PLA2G4A: variants seen among roughly 807,000 people sequenced by gnomAD.
PLA2G4A encodes phospholipase A2 group IVA, also known as cytosolic phospholipase A2.
Under a neutral mutation model 81.9 loss-of-function variants are expected in PLA2G4A, and 40 were observed. That is an observed-to-expected ratio of 0.49 (90% CI 0.38 to 0.64). PLA2G4A has a LOEUF of 0.64. Ranked by LOEUF, PLA2G4A falls within the 30% of genes least tolerant of loss-of-function variation. The pLI, the probability that PLA2G4A is intolerant of heterozygous loss-of-function variation, is 0.00. For missense variants in PLA2G4A, 715 were observed against 905.1 expected, an observed-to-expected ratio of 0.79 and a Z score of 2.69; for synonymous variants, 302 against 296.9, an observed-to-expected ratio of 1.02 and a Z score of -0.18.
chr1:186,965,681 T>A, intron 15 of PLA2G4A, 88 bp downstream of exon 15: 1 of 919,176 alleles, frequency 1.1e-6, no homozygotes, highest in Non-Finnish European at 1.8e-6. Context: ...TCCAGTTTCT[T>A]ATTCCTTTAA....
chr1:186,951,188 A>AT (rs1209920046), intron 13 of PLA2G4A, among the ~76,000 whole-genome samples: 2 of 152,080 alleles, frequency 1.3e-5, no homozygotes, highest in African/African-American at 4.8e-5. Context: ...TTGAGAAAGG[A>AT]TTAGTGATGA....
Position 186,939,176 on chromosome 1 carries a change from T to C in PLA2G4A, c.864T>C (p.Pro288=). Residue 288 remains proline (P), a synonymous_variant, in exon 9 of 18, where the codon CCT becomes CCC. Coordinates refer to ENST00000367466, the MANE Select transcript of PLA2G4A (RefSeq NM_024420.3). The part of the protein sequence containing the change: ...SLWKKKSSGQ[P]VTFTDIFGML... The stretch of plus-strand genomic sequence containing the variant: ...GGAAGAAGAAAAGCTCTGGACAACC[T>C]GTCACCTTTACTGATATCTTTGGGA... 1.2e-6 allele frequency: 2 copies of C among 1,609,020 alleles called. No homozygotes were observed. The highest frequency in any genetic ancestry group is 1.7e-6 in the Non-Finnish European group (2 of 1,175,554).
At chr1:186,936,453 T>C (rs1177083951) in intron 8 of PLA2G4A, among the ~76,000 whole-genome samples, 2 of 151,924 alleles carry the variant, frequency 1.3e-5, no homozygotes, top group African/African-American at 4.8e-5. Context: ...AATGAAGAGA[T>C]GTGTTAAGTG....
intron 14 of PLA2G4A, among the ~76,000 whole-genome samples, chr1:186,959,944 T>C (rs776000169): frequency 2.0e-5 from 3 of 152,056 alleles, no homozygotes; most frequent in Non-Finnish European, 4.4e-5. Flanking sequence ...GTTGGAAAAA[T>C]GTTACATTTG....
intron 7 of PLA2G4A, among the ~76,000 whole-genome samples, chr1:186,920,298 A>G (rs1655300763): frequency 6.6e-6 from 1 of 152,206 alleles, no homozygotes; most frequent in African/African-American, 2.4e-5. Context: ...AGGGACAGTC[A>G]GAAATACACA....
intron 7 of PLA2G4A, 84 bp from the exon 8 acceptor site, chr1:186,932,679 G>A (rs920006401): frequency 3.5e-5 from 46 of 1,303,804 alleles, no homozygotes; most frequent in East Asian, 1.6e-4. Context: ...AATATGGGAT[G>A]TATAACATAA....
intron 2 of PLA2G4A, 137 bp from the exon 3 acceptor site, chr1:186,870,298 A>C: frequency 8.7e-6 from 6 of 691,854 alleles, no homozygotes; most frequent in Non-Finnish European, 1.3e-5. Context: ...GTCAAAAAAG[A>C]AGCAGCCTTA....
Position 186,939,097 on chromosome 1 carries a change from A to T in PLA2G4A, c.785A>T (p.Asn262Ile), listed in dbSNP as rs1342292095. The change falls in exon 9 of 18, where the codon AAT becomes ATT. Residue 262 changes from asparagine to isoleucine, a missense_variant. Physicochemically the swap from Asn to Ile is moderately radical, Grantham distance 149. Coordinates refer to ENST00000367466, the MANE Select transcript of PLA2G4A (RefSeq NM_024420.3). ...GAACTAATGAAAAATGTTAGCCACA[A>T]TCCCCTTTTACTTCTCACACCACAG... The part of the protein sequence containing the change: ...NEELMKNVSH[N>I]PLLLLTPQKV... 1 of 1,609,790 alleles carries T rather than the reference A, an allele frequency of 6.2e-7. No individual in the cohort carries two copies. The highest frequency in any genetic ancestry group is 2.2e-5 in the East Asian group (1 of 44,788).
At position 186,887,401 on chromosome 1, in the gene PLA2G4A, A is replaced by G. The variant is rs114075224; in HGVS notation, c.116-5610A>G. Among the ~76,000 whole-genome samples the G allele has an allele frequency of 1.6e-3, 238 of 152,280 alleles. 1 individual carries two copies. The highest frequency in any genetic ancestry group is 1.8e-3 in the Non-Finnish European group (123 of 68,024). On this transcript the variant is annotated intron_variant, in intron 3 of 17. Coordinates refer to ENST00000367466, the MANE Select transcript of PLA2G4A (RefSeq NM_024420.3). ...AAATGGGTCTGTTATGACTTCAGGC[A>G]GGCGCTCCTTAAACTCCTGAAGTTT... is the stretch of plus-strand genomic sequence containing the variant.
At chr1:186,955,012 G>C (rs1656697750) in intron 13 of PLA2G4A, among the ~76,000 whole-genome samples, 1 of 152,130 alleles carries the variant, frequency 6.6e-6, no homozygotes, top group South Asian at 2.1e-4. Flanking sequence ...AGGAAATGGA[G>C]GAAGAGAAGG....
intron 5 of PLA2G4A, among the ~76,000 whole-genome samples, chr1:186,904,214 T>A (rs1381261121): frequency 6.6e-6 from 1 of 152,224 alleles, no homozygotes; most frequent in Non-Finnish European, 1.5e-5. Flanking sequence ...GAATACATAA[T>A]GGACACAACC....
At chr1:186,849,387 C>G (rs916494717) in intron 1 of PLA2G4A, among the ~76,000 whole-genome samples, 1 of 152,124 alleles carries the variant, frequency 6.6e-6, no homozygotes, top group East Asian at 1.9e-4. Flanking sequence ...GAACCAGTAA[C>G]AGGCAGACCA....
At chr1:186,868,234 C>G (rs890218018) in intron 2 of PLA2G4A, among the ~76,000 whole-genome samples, 1 of 151,830 alleles carries the variant, frequency 6.6e-6, no homozygotes, top group Non-Finnish European at 1.5e-5. Context: ...ACCACCATGC[C>G]CGGCTAATTT....
chr1:186,984,901 A>G lies in PLA2G4A; in HGVS notation c.2119-3476A>G, dbSNP rs559493873. 3.9e-5 allele frequency among the ~76,000 whole-genome samples: 6 copies of G among 152,282 alleles called. No homozygotes were observed. In the South Asian group the frequency reaches 8.3e-4, roughly 21 times the overall value. On this transcript the variant is annotated intron_variant, in intron 17 of 17. Transcript: ENST00000367466. ...AATATTTAACACTCAAGACTAGCCT[A>G]TGAGGTGGGGTTTTAATTTATAAGT...
chr1:186,830,163 G>A (rs555654205), intron 1 of PLA2G4A, among the ~76,000 whole-genome samples: 2 of 152,238 alleles, frequency 1.3e-5, no homozygotes, highest in East Asian at 1.9e-4. Context: ...CATTAGCTCC[G>A]GAAGAGTTAA....
At chr1:186,954,861 C>T (rs1656692149) in intron 13 of PLA2G4A, among the ~76,000 whole-genome samples, 1 of 152,122 alleles carries the variant, frequency 6.6e-6, no homozygotes, top group Non-Finnish European at 1.5e-5. Flanking sequence ...GATTATGATG[C>T]TTCTGCTGCT....
chr1:186,873,893 CA>C (rs1168648364), intron 3 of PLA2G4A, among the ~76,000 whole-genome samples: 1 of 152,052 alleles, frequency 6.6e-6, no homozygotes, highest in African/African-American at 2.4e-5. Context: ...CAGTGTTACT[CA>C]AATGCAGCAT....
intron 10 of PLA2G4A, 49 bp downstream of exon 10, chr1:186,940,143 G>A (rs1256697839): frequency 1.0e-6 from 1 of 975,266 alleles, no homozygotes; most frequent in African/African-American, 1.6e-5. Context: ...CTGAATTGCA[G>A]TTTCCCATGG....
At chr1:186,918,202 G>A (rs574684576) in intron 7 of PLA2G4A, among the ~76,000 whole-genome samples, 9 of 152,308 alleles carry the variant, frequency 5.9e-5, no homozygotes, top group Admixed American at 5.9e-4. Context: ...TGCTTTTTGA[G>A]CTTCTGAATC....
Sources: allele counts gnomAD v4.1 joint callset (sites outside exome capture counted in the v4.1 genomes callset), GRCh38; gene constraint gnomAD v4.1.1; transcripts MANE v1.5; gene names NCBI Gene and HGNC (gene_info 2026-07-23, HGNC 2026-07-21).